Variants in DEPDC4 observed in about 807,000 individuals in gnomAD.
The protein encoded by DEPDC4 is DEP domain containing 4.
In DEPDC4, 52 loss-of-function variants were observed where a neutral mutation model predicts 52.0. The observed-to-expected ratio is 1.00, with a 90% CI of 0.80 to 1.26. The LOEUF is 1.26. Among genes scored for constraint, DEPDC4 ranks in the 50% most tolerant of loss-of-function variants. DEPDC4 has a pLI of 0.00. For missense variants in DEPDC4, 530 were observed against 546.9 expected, an observed-to-expected ratio of 0.97 and a Z score of 0.31; for synonymous variants, 201 against 196.8, an observed-to-expected ratio of 1.02 and a Z score of -0.18.
rs936813162 is a variant in DEPDC4, at chr12:100,253,499, A to G, written c.1095T>C (p.Ile365=). ...DEYFDIHSGI[I]ELLENEKRAE... is the part of the protein sequence containing the mutation. ...AACATCCTATCTTACCTAAAAGTTC[A>G]ATAATTCCTGAATGAATATCAAAAT... The change falls in exon 5 of 10, where the codon ATT becomes ATC. Residue 365 remains isoleucine (I), a synonymous_variant. Transcript: ENST00000550587. 6 of 1,264,426 alleles carry G rather than the reference A, an allele frequency of 4.7e-6. No individual in the cohort carries two copies. The African/African-American group carries it at 9.2e-5, about 19-fold the overall frequency. The allele number at this position is 1,264,426 out of a possible 1,614,324, so 78.3% of individuals were successfully genotyped here.
At chr12:100,263,049 C>G (rs1027585639) in intron 2 of DEPDC4, among the ~76,000 whole-genome samples, 1 of 152,282 alleles carries the variant, frequency 6.6e-6, no homozygotes, top group Non-Finnish European at 1.5e-5. Flanking sequence ...CCTCCACCTC[C>G]CCAGCTCAAG....
intron 3 of DEPDC4, among the ~76,000 whole-genome samples, chr12:100,260,469 C>T (rs978226864): frequency 4.6e-5 from 7 of 151,734 alleles, no homozygotes; most frequent in South Asian, 4.2e-4. Flanking sequence ...TCTAGAGGTA[C>T]GTCATGACCT....
At chr12:100,277,911 T>C in the DEPDC4 span, among the ~76,000 whole-genome samples, 3 of 152,118 alleles carry the variant, frequency 2.0e-5, no homozygotes, top group Non-Finnish European at 2.9e-5. Flanking sequence ...TATTTGAGGG[T>C]CTACAGTATA....
chr12:100,263,973 T>C, intron 1 of DEPDC4, 80 bp from the exon 2 acceptor site: 11 of 1,345,008 alleles, frequency 8.2e-6, no homozygotes, highest in Non-Finnish European at 1.1e-5. Flanking sequence ...GACAACCTTA[T>C]GCTTGTTGAA....
chr12:100,253,487 A>C lies in DEPDC4; in HGVS notation c.1105+2T>G, dbSNP rs1473802087. The C allele has an allele frequency of 1.6e-6, 2 of 1,217,370 alleles. No individual in the cohort carries two copies. Among genetic ancestry groups the C allele is most frequent in the Admixed American group, 4.7e-5 (2 of 42,266 alleles). 75.4% of individuals were successfully genotyped at this position (1,217,370 alleles called of 1,614,324 possible). ...AATTAAAATATAAACATCCTATCTT[A>C]CCTAAAAGTTCAATAATTCCTGAAT... On this transcript the variant is annotated splice_donor_variant, in intron 5 of 9. Coordinates refer to ENST00000550587, the MANE Select transcript of DEPDC4 (RefSeq NM_001364818.2). LOFTEE classifies it high-confidence loss of function.
At chr12:100,256,647 T>G (rs552644597) in intron 3 of DEPDC4, among the ~76,000 whole-genome samples, 10 of 148,932 alleles carry the variant, frequency 6.7e-5, no homozygotes, top group African/African-American at 2.2e-4. Flanking sequence ...TGTTTTTTGT[T>G]TTTTTTTTTT....
At position 100,244,095 on chromosome 12, in the gene DEPDC4, G is replaced by GTGTATA. The variant is rs1209030209; in HGVS notation, c.1454-1527_1454-1526insTATACA. Among the ~76,000 whole-genome samples the GTGTATA allele has an allele frequency of 3.9e-4, 20 of 51,646 alleles. No individual in the cohort carries two copies. The South Asian group carries it at 7.4e-3, about 19-fold the overall frequency. The allele number at this position is 51,646 out of a possible 152,430, so 33.9% of individuals were successfully genotyped here. A position where few individuals can be genotyped will look rare whatever the true frequency, so the allele number is the denominator to read the frequency against. ...CCTCTCTCTCTCTCTCTCTCTCTGT[G>GTGTATA]TATATATATATATATATATATATAT... On this transcript the variant is annotated intron_variant, in intron 8 of 9. Transcript: ENST00000550587.
At chr12:100,258,373 A>T (rs952486827) in intron 3 of DEPDC4, among the ~76,000 whole-genome samples, 5 of 152,176 alleles carry the variant, frequency 3.3e-5, no homozygotes, top group Non-Finnish European at 5.9e-5. Context: ...CCAATATCTG[A>T]ATAAGAGATC....
At chr12:100,244,095 G>GTATA (rs774444544) in intron 8 of DEPDC4, among the ~76,000 whole-genome samples, 180 of 51,584 alleles carry the variant, frequency 3.5e-3, no homozygotes, top group Non-Finnish European at 5.0e-3. Flanking sequence ...CTCTCTCTGT[G>GTATA]TATATATATA....
At position 100,252,284 on chromosome 12, in the gene DEPDC4, C is replaced by G; in HGVS notation, c.1266G>C (p.Val422=). 7.0e-7 allele frequency: 1 copy of G among 1,436,708 alleles called. No individual in the cohort carries two copies. The highest frequency in any genetic ancestry group is 1.3e-5 in the South Asian group (1 of 74,678). 89.0% of individuals were successfully genotyped at this position (1,436,708 alleles called of 1,614,324 possible). Residue 422 remains valine (V), a synonymous_variant, in exon 7 of 10, where the codon GTG becomes GTC. Coordinates refer to ENST00000550587, the MANE Select transcript of DEPDC4 (RefSeq NM_001364818.2). The part of the protein sequence containing the change: ...KLQKQYDNKT[V]VLKTLAKSVL... Reference sequence around the variant, plus strand: ...CTGATTTGGCAAGAGTTTTCAGGACCACTGTTTTATTATCATACTGTAAAC... The same window carrying G: ...CTGATTTGGCAAGAGTTTTCAGGACGACTGTTTTATTATCATACTGTAAAC...
intron 3 of DEPDC4, among the ~76,000 whole-genome samples, chr12:100,259,014 T>A (rs2096244227): frequency 6.6e-6 from 1 of 151,036 alleles, no homozygotes; most frequent in South Asian, 2.1e-4. Flanking sequence ...GAGATTGCAG[T>A]GAGCCGAGAT....
At chr12:100,276,315 A>C in the DEPDC4 span, among the ~76,000 whole-genome samples, 1 of 152,006 alleles carries the variant, frequency 6.6e-6, no homozygotes, top group Non-Finnish European at 1.5e-5. Context: ...TGTCTTTTAA[A>C]ATTTTTATTT....
At chr12:100,239,425 G>A (rs2096150000), downstream of DEPDC4, among the ~76,000 whole-genome samples, 1 of 151,834 alleles carries the variant, frequency 6.6e-6, no homozygotes, top group Non-Finnish European at 1.5e-5. Flanking sequence ...GCCCAGGCTG[G>A]AGTGCAGTGG....
chr12:100,256,165 G>A lies in DEPDC4; in HGVS notation c.762C>T (p.Asp254=), dbSNP rs375903768. The stretch of plus-strand genomic sequence containing the variant: ...TTTTAACTGGAGGCTCCAAAATATT[G>A]TCCAAGAATGGAAGGTGAATCAATT... ...LLQLIHLPFL[D]NILEPPVKTQ... Residue 254 remains aspartate (D), a synonymous_variant, in exon 4 of 10, where the codon GAC becomes GAT. Coordinates refer to ENST00000550587, the MANE Select transcript of DEPDC4 (RefSeq NM_001364818.2). The A allele has an allele frequency of 4.0e-5, 65 of 1,612,850 alleles. 1 individual carries two copies. Among genetic ancestry groups the A allele is most frequent in the Non-Finnish European group, 5.3e-5 (62 of 1,179,238 alleles).
intron 5 of DEPDC4, among the ~76,000 whole-genome samples, 158 bp downstream of exon 5, chr12:100,253,331 T>A (rs1431721302): frequency 6.6e-6 from 1 of 152,228 alleles, no homozygotes; most frequent in Non-Finnish European, 1.5e-5. Context: ...TAGGCAATAG[T>A]AGTGAAGTAA....
chr12:100,244,034 C>T, intron 8 of DEPDC4, among the ~76,000 whole-genome samples: 1 of 143,230 alleles, frequency 7.0e-6, no homozygotes, highest in East Asian at 2.2e-4. Context: ...AAAGTTTTAT[C>T]CTTGAACCTT....
At chr12:100,277,919 A>G in the DEPDC4 span, among the ~76,000 whole-genome samples, 4 of 152,032 alleles carry the variant, frequency 2.6e-5, no homozygotes, top group African/African-American at 9.7e-5. Flanking sequence ...GGTCTACAGT[A>G]TATATCTTTT....
rs748787445 is a variant in DEPDC4, at chr12:100,266,987, C to T, written c.90G>A (p.Pro30=). The change falls in exon 1 of 10, where the codon CCG becomes CCA. Residue 30 remains proline, a synonymous_variant. Transcript: ENST00000550587. ...AACTTGGCCCGTTCAGCCCTGGGCC[C>T]GGAAGCTCGTTCTGACTGACAAGTC... ...FRRLVSQNEL[P]GPGLNGPSSR... 10 of 1,613,994 alleles carry T rather than the reference C, an allele frequency of 6.2e-6. No individual in the cohort carries two copies. In the South Asian group the frequency reaches 7.7e-5, roughly 12 times the overall value.
chr12:100,256,743 G>A (rs911794003), intron 3 of DEPDC4, among the ~76,000 whole-genome samples: 2 of 151,266 alleles, frequency 1.3e-5, no homozygotes, highest in Non-Finnish European at 2.9e-5. Flanking sequence ...CCAGGTTCAC[G>A]CCATTCTCCT....
Sources: allele counts gnomAD v4.1 joint callset (sites outside exome capture counted in the v4.1 genomes callset), GRCh38; gene constraint gnomAD v4.1.1; transcripts MANE v1.5; gene names NCBI Gene and HGNC (gene_info 2026-07-23, HGNC 2026-07-21).